C19orf47: variants seen among roughly 807,000 people sequenced by gnomAD.
C19orf47 encodes the protein chromosome 19 open reading frame 47, also known as uncharacterized protein C19orf47.
In C19orf47, 18 loss-of-function variants were observed where a neutral mutation model predicts 32.3. The ratio of observed to expected loss-of-function variants is 0.56; its 90% confidence interval spans 0.39 to 0.83. The LOEUF (loss-of-function observed/expected upper bound fraction) is 0.83, where lower values mean the gene tolerates loss of function less well. Among genes scored for constraint, C19orf47 ranks in the 40% least tolerant of loss-of-function variants. The pLI is 0.00. For synonymous variants in C19orf47, 202 were observed against 211.1 expected, an observed-to-expected ratio of 0.96 and a Z score of 0.37; for missense variants, 484 against 531.6, an observed-to-expected ratio of 0.91 and a Z score of 0.88.
Position 40,333,811 on chromosome 19 carries a change from T to C in C19orf47, c.301+40A>G, listed in dbSNP as rs1022361249. ...ACGTGTCCCCTTCACTGACAGGGTATAAAAATCAAGGAAAAGAGGCCTGAA... is the reference window on the plus strand; with the variant it reads ...ACGTGTCCCCTTCACTGACAGGGTACAAAAATCAAGGAAAAGAGGCCTGAA... On this transcript the variant is annotated intron_variant, in intron 5 of 8. Transcript: ENST00000683109. 4 of 1,483,178 alleles carry C rather than the reference T, an allele frequency of 2.7e-6. No homozygotes were observed. In the African/African-American group the frequency reaches 4.3e-5, roughly 16 times the overall value. 91.9% of individuals were successfully genotyped at this position (1,483,178 alleles called of 1,614,324 possible).
intron 1 of C19orf47, 140 bp from the exon 2 acceptor site, chr19:40,342,030 G>A: frequency 6.8e-7 from 1 of 1,473,352 alleles, no homozygotes; most frequent in South Asian, 1.4e-5. Context: ...TGGAGCAGCT[G>A]GCAGGAAGTC....
the C19orf47 span, chr19:40,299,702 A>G: frequency 6.6e-6 from 1 of 152,196 alleles, no homozygotes; most frequent in East Asian, 1.9e-4. Context: ...CCCCTGGGAA[A>G]GCTCAAAAGA....
At chr19:40,323,272 G>A (rs1333894310) in intron 8 of C19orf47, among the ~76,000 whole-genome samples, 4 of 152,214 alleles carry the variant, frequency 2.6e-5, no homozygotes, top group East Asian at 1.9e-4. Context: ...AACAGGCGCC[G>A]CACACCCCAG....
At position 40,321,903 on chromosome 19, in the gene C19orf47, T is replaced by C. The variant is rs2077725159; in HGVS notation, c.1137A>G (p.Arg379=). The change falls in exon 9 of 9, where the codon AGA becomes AGG. Residue 379 remains arginine, a synonymous_variant. Coordinates refer to ENST00000683109, the MANE Select transcript of C19orf47 (RefSeq NM_001256441.2). Reference sequence around the variant, plus strand: ...TGGGCTAGAAGGTCCTGCGGCCCAGTCTTTTGAACACGCTCACAGTGCCCG... The same window carrying C: ...TGGGCTAGAAGGTCCTGCGGCCCAGCCTTTTGAACACGCTCACAGTGCCCG... ...DHAGTVSVFK[R]LGRRTF is the part of the protein sequence containing the mutation. 3 of 1,605,194 alleles carry C rather than the reference T, an allele frequency of 1.9e-6. No individual in the cohort carries two copies. The Admixed American group carries it at 5.1e-5, about 27-fold the overall frequency.
At chr19:40,336,280 C>CAGCT (rs1424824769) in intron 3 of C19orf47, 40 bp downstream of exon 3, 1 of 1,613,206 alleles carries the variant, frequency 6.2e-7, no homozygotes, top group Non-Finnish European at 8.5e-7. Flanking sequence ...GTGGGCCAGC[C>CAGCT]AGCTCCCCAC....
chr19:40,308,150 CTTTA>C, the C19orf47 span, among the ~76,000 whole-genome samples: 1 of 151,448 alleles, frequency 6.6e-6, no homozygotes, highest in Non-Finnish European at 1.5e-5. Flanking sequence ...GGAAAGGCAA[CTTTA>C]TTTATTTATT....
chr19:40,344,393 C>T (rs1329813616), intron 1 of C19orf47, among the ~76,000 whole-genome samples: 8 of 151,830 alleles, frequency 5.3e-5, no homozygotes, highest in African/African-American at 1.9e-4. Context: ...GCAGGAGAAT[C>T]GCTTGAACCC....
At chr19:40,297,457 C>T in the C19orf47 span, among the ~76,000 whole-genome samples, 1 of 151,892 alleles carries the variant, frequency 6.6e-6, no homozygotes, top group Non-Finnish European at 1.5e-5. Flanking sequence ...AATCCCAACA[C>T]CTTGGGAGGC....
chr19:40,333,731 C>T, intron 5 of C19orf47, 120 bp downstream of exon 5: 2 of 739,396 alleles, frequency 2.7e-6, no homozygotes, highest in Non-Finnish European at 4.1e-6. Flanking sequence ...GTAAGAATTC[C>T]TCCAATGGCT....
chr19:40,318,685 G>C (rs771438901), downstream of C19orf47, among the ~76,000 whole-genome samples: 1 of 152,176 alleles, frequency 6.6e-6, no homozygotes, highest in East Asian at 1.9e-4. Flanking sequence ...AGCATTTGCT[G>C]TCCTTTGAGG....
intron 8 of C19orf47, among the ~76,000 whole-genome samples, chr19:40,323,729 G>A (rs1191107634): frequency 6.6e-6 from 1 of 152,188 alleles, no homozygotes; most frequent in African/African-American, 2.4e-5. Flanking sequence ...GGGGGCCCAG[G>A]AGAGGGCTGA....
At chr19:40,302,176 A>T in the C19orf47 span, among the ~76,000 whole-genome samples, 1 of 152,202 alleles carries the variant, frequency 6.6e-6, no homozygotes, top group Non-Finnish European at 1.5e-5. Context: ...AGCAAAAAAA[A>T]GAATCTTTAC....
chr19:40,322,759 T>C (rs1225995890), intron 8 of C19orf47, among the ~76,000 whole-genome samples: 2 of 152,232 alleles, frequency 1.3e-5, no homozygotes, highest in Non-Finnish European at 2.9e-5. Context: ...GTCCCAATTC[T>C]ATATTGTACC....
At chr19:40,346,821 C>G (rs2078304254) in intron 1 of C19orf47, among the ~76,000 whole-genome samples, 2 of 152,132 alleles carry the variant, frequency 1.3e-5, no homozygotes, top group African/African-American at 2.4e-5. Context: ...CCACCACGCC[C>G]AGCCAAGGAC....
chr19:40,304,928 C>T, the C19orf47 span, among the ~76,000 whole-genome samples: 1 of 152,146 alleles, frequency 6.6e-6, no homozygotes, highest in Non-Finnish European at 1.5e-5. Flanking sequence ...CAGGTCTGAA[C>T]TTGTCTGTTT....
At chr19:40,326,063 C>T (rs944242648) in intron 7 of C19orf47, among the ~76,000 whole-genome samples, 7 of 152,370 alleles carry the variant, frequency 4.6e-5, no homozygotes, top group African/African-American at 1.7e-4. Context: ...CACAGCCACT[C>T]ATTTTACAGC....
At chr19:40,307,823 G>C in the C19orf47 span, among the ~76,000 whole-genome samples, 1 of 150,734 alleles carries the variant, frequency 6.6e-6, no homozygotes, top group Non-Finnish European at 1.5e-5. Flanking sequence ...TTTTGAGACA[G>C]TGTCTTGCTC....
chr19:40,316,623 G>A (rs2077663924), downstream of C19orf47, among the ~76,000 whole-genome samples: 1 of 152,122 alleles, frequency 6.6e-6, no homozygotes, highest in African/African-American at 2.4e-5. Flanking sequence ...GAGTCCAACT[G>A]CTCTTCATTC....
intron 4 of C19orf47, among the ~76,000 whole-genome samples, chr19:40,334,641 G>A (rs2078021847): frequency 1.3e-5 from 2 of 152,128 alleles, no homozygotes; most frequent in Admixed American, 6.5e-5. Context: ...CCAATCACTC[G>A]GGTGGCTGAG....
Sources: gnomAD v4.1 joint callset for allele counts (sites outside exome capture counted in the v4.1 genomes callset) on GRCh38, gnomAD v4.1.1 for gene constraint, MANE v1.5 for transcripts, NCBI Gene and HGNC (gene_info 2026-07-23, HGNC 2026-07-21) for gene names.